The following MSH3 variants were observed in gnomAD, a reference collection of about 807,000 sequenced individuals.
MSH3 encodes DNA mismatch repair protein Msh3.
MSH3 carries 106 observed loss-of-function variants against 123.3 expected under a neutral mutation model. The ratio of observed to expected loss-of-function variants is 0.86; its 90% CI spans 0.73 to 1.01. The LOEUF is 1.01. MSH3 is among the 50% of genes least tolerant of loss of function. The pLI is 0.00. For missense variants in MSH3, 1,459 were observed against 1,347.6 expected, an observed-to-expected ratio of 1.08 and a Z score of -1.29; for synonymous variants, 515 against 481.4, an observed-to-expected ratio of 1.07 and a Z score of -0.91.
chr5:80,827,025 G>A (rs1345807700), intron 20 of MSH3, among the ~76,000 whole-genome samples: 1 of 151,946 alleles, frequency 6.6e-6, no homozygotes, highest in Non-Finnish European at 1.5e-5. Flanking sequence ...TATTTCCAAG[G>A]ATCATTAACA....
At chr5:80,852,496 A>G (rs1424230551) in intron 20 of MSH3, among the ~76,000 whole-genome samples, 2 of 152,150 alleles carry the variant, frequency 1.3e-5, no homozygotes, top group Non-Finnish European at 2.9e-5. Flanking sequence ...AGTGGTAGAC[A>G]GGGTGAACCA....
At chr5:80,758,392 T>C (rs1012340376) in intron 12 of MSH3, among the ~76,000 whole-genome samples, 1 of 152,158 alleles carries the variant, frequency 6.6e-6, no homozygotes, top group Non-Finnish European at 1.5e-5. Flanking sequence ...GTACCTGACA[T>C]TTATTATTTC....
chr5:80,786,902 G>A (rs555671854), intron 17 of MSH3, among the ~76,000 whole-genome samples: 2 of 152,288 alleles, frequency 1.3e-5, no homozygotes, highest in South Asian at 4.1e-4. Context: ...AGTAGCCAGA[G>A]ACTTGAGGCA....
At chr5:80,855,096 G>A (rs1745893855) in intron 21 of MSH3, among the ~76,000 whole-genome samples, 1 of 151,632 alleles carries the variant, frequency 6.6e-6, no homozygotes, top group South Asian at 2.1e-4. Flanking sequence ...GTAAAATTTT[G>A]TTTGTGTCAA....
At chr5:80,806,141 C>T (rs1744886517) in intron 19 of MSH3, among the ~76,000 whole-genome samples, 1 of 152,162 alleles carries the variant, frequency 6.6e-6, no homozygotes, top group Admixed American at 6.5e-5. Flanking sequence ...TCTTGTTGCC[C>T]AGGCTGGAGT....
At chr5:80,784,187 G>A (rs1355990149) in intron 17 of MSH3, among the ~76,000 whole-genome samples, 2 of 126,164 alleles carry the variant, frequency 1.6e-5, no homozygotes, top group African/African-American at 6.1e-5. Context: ...TCCAGCCTCG[G>A]CGAAAGAGCG....
Position 80,654,660 on chromosome 5 carries a change from G to T in MSH3, c.-68G>T. On this transcript the variant is annotated 5_prime_UTR_variant, in exon 1 of 24. Coordinates refer to ENST00000265081, the MANE Select transcript of MSH3 (RefSeq NM_002439.5). ...GGCGTGCTCGCGCCCGCAGACGCCT[G>T]GGAACTGCGGCCGCGGGCTCGCGCT... The T allele has an allele frequency of 6.8e-7, 1 of 1,480,014 alleles. No individual in the cohort carries two copies. The highest frequency in any genetic ancestry group is 1.2e-5 in the South Asian group (1 of 82,924). The allele number at this position is 1,480,014 out of a possible 1,614,324, so 91.7% of individuals were successfully genotyped here.
chr5:80,851,817 TC>T (rs1249455298), intron 20 of MSH3, among the ~76,000 whole-genome samples: 1 of 152,210 alleles, frequency 6.6e-6, no homozygotes, highest in East Asian at 1.9e-4. Flanking sequence ...TTAGCTAGCA[TC>T]TTTTTCATTG....
chr5:80,741,675 A>G, intron 11 of MSH3, 127 bp downstream of exon 11: 1 of 730,212 alleles, frequency 1.4e-6, no homozygotes, highest in Non-Finnish European at 2.5e-6. Context: ...GTATTAATTG[A>G]TAACTGTAGC....
At chr5:80,863,805 A>G (rs1746053387) in intron 21 of MSH3, among the ~76,000 whole-genome samples, 1 of 152,202 alleles carries the variant, frequency 6.6e-6, no homozygotes, top group Non-Finnish European at 1.5e-5. Context: ...ATTAATGGAA[A>G]GGAATGTTCA....
At chr5:80,681,103 C>T (rs2048638827) in intron 8 of MSH3, among the ~76,000 whole-genome samples, 1 of 152,038 alleles carries the variant, frequency 6.6e-6, no homozygotes. Context: ...TTCTTTGAAC[C>T]TTTGCTCACA....
intron 8 of MSH3, among the ~76,000 whole-genome samples, chr5:80,705,828 C>A (rs1257362606): frequency 6.6e-6 from 1 of 152,116 alleles, no homozygotes; most frequent in Non-Finnish European, 1.5e-5. Flanking sequence ...TACGTGGACA[C>A]CGGTCATATT....
intron 19 of MSH3, among the ~76,000 whole-genome samples, chr5:80,811,962 T>C (rs1458332661): frequency 6.6e-6 from 1 of 152,236 alleles, no homozygotes; most frequent in Admixed American, 6.5e-5. Context: ...GTAAAATTCA[T>C]TTTATTTTTA....
chr5:80,837,443 G>A (rs1435749997), intron 20 of MSH3, among the ~76,000 whole-genome samples: 9 of 152,110 alleles, frequency 5.9e-5, no homozygotes, highest in Non-Finnish European at 4.4e-5. Context: ...GCCAGGCATG[G>A]TGGTGCACGC....
At chr5:80,707,568 A>AT (rs1209683774) in intron 8 of MSH3, among the ~76,000 whole-genome samples, 2 of 148,716 alleles carry the variant, frequency 1.3e-5, no homozygotes, top group African/African-American at 5.0e-5. Context: ...AAAAAAAAAA[A>AT]CAAAAAAACC....
chr5:80,819,701 G>A (rs1253324542), intron 20 of MSH3, among the ~76,000 whole-genome samples: 1 of 151,938 alleles, frequency 6.6e-6, no homozygotes, highest in African/African-American at 2.4e-5. Flanking sequence ...TGGCCAGGCT[G>A]GTTTCAAACT....
At chr5:80,670,531 G>A (rs879905834) in intron 4 of MSH3, among the ~76,000 whole-genome samples, 1 of 152,098 alleles carries the variant, frequency 6.6e-6, no homozygotes, top group Non-Finnish European at 1.5e-5. Flanking sequence ...GAATGTTAGC[G>A]CTTATTCTCC....
At chr5:80,660,105 G>C in intron 2 of MSH3, among the ~76,000 whole-genome samples, 2 of 151,888 alleles carry the variant, frequency 1.3e-5, no homozygotes, top group Admixed American at 1.3e-4. Context: ...ACATACCAGA[G>C]ACTGGGAAGA....
chr5:80,703,408 GC>G (rs1160770684), intron 8 of MSH3, among the ~76,000 whole-genome samples: 2 of 152,142 alleles, frequency 1.3e-5, no homozygotes, highest in African/African-American at 4.8e-5. Context: ...ACAAGAGATT[GC>G]CCACCCATAC....
Sources: gnomAD v4.1 joint callset for allele counts (sites outside exome capture counted in the v4.1 genomes callset) on GRCh38, gnomAD v4.1.1 for gene constraint, MANE v1.5 for transcripts, NCBI Gene and HGNC (gene_info 2026-07-23, HGNC 2026-07-21) for gene names.